The following CSMD1 variants were observed in gnomAD, a reference collection of about 807,000 sequenced individuals.
CSMD1 encodes CUB and Sushi multiple domains 1.
In CSMD1, 213 loss-of-function variants were observed where a neutral mutation model predicts 417.5. That is an observed-to-expected ratio of 0.51 (90% CI 0.46 to 0.57). CSMD1 has a LOEUF of 0.57. Ranked by LOEUF, CSMD1 falls within the 20% of genes least tolerant of loss-of-function variation. The pLI is 0.00. For missense variants in CSMD1, 6,923 were observed against 4,529.7 expected, an observed-to-expected ratio of 1.53 and a Z score of -15.17; for synonymous variants, 2,862 against 1,736.8, an observed-to-expected ratio of 1.65 and a Z score of -16.11.
intron 10 of CSMD1, among the ~76,000 whole-genome samples, chr8:3,546,102 T>G (rs891852652): frequency 6.6e-6 from 1 of 152,132 alleles, no homozygotes; most frequent in Non-Finnish European, 1.5e-5. Context: ...AGCAGTAAAA[T>G]CCAAGAAAAT....
chr8:4,874,482 C>A (rs1802923476), intron 1 of CSMD1, among the ~76,000 whole-genome samples: 1 of 151,014 alleles, frequency 6.6e-6, no homozygotes, highest in African/African-American at 2.4e-5. Context: ...CTCTGCCTCC[C>A]AGGTTCAAGC....
At chr8:4,338,040 G>C (rs564625383) in intron 3 of CSMD1, among the ~76,000 whole-genome samples, 3 of 152,064 alleles carry the variant, frequency 2.0e-5, no homozygotes, top group Admixed American at 1.3e-4. Flanking sequence ...TTTATTCCAA[G>C]AATCTGCTTC....
chr8:3,295,929 C>G (rs150295334), intron 25 of CSMD1, among the ~76,000 whole-genome samples: 3 of 152,062 alleles, frequency 2.0e-5, no homozygotes, highest in Admixed American at 6.6e-5. Context: ...CCTCGAGGAA[C>G]TTTGCATACA....
intron 3 of CSMD1, among the ~76,000 whole-genome samples, chr8:4,107,419 T>C (rs1206541922): frequency 6.6e-6 from 1 of 152,206 alleles, no homozygotes; most frequent in Non-Finnish European, 1.5e-5. Flanking sequence ...GAAAATGTCT[T>C]GATACACATC....
chr8:3,100,339 G>C (rs1477437564), intron 46 of CSMD1, among the ~76,000 whole-genome samples: 1 of 152,172 alleles, frequency 6.6e-6, no homozygotes, highest in Non-Finnish European at 1.5e-5. Flanking sequence ...GAAGCATTTG[G>C]AGGTGTTTAC....
At chr8:3,875,364 G>A (rs1232489342) in intron 5 of CSMD1, among the ~76,000 whole-genome samples, 1 of 152,224 alleles carries the variant, frequency 6.6e-6, no homozygotes, top group East Asian at 1.9e-4. Flanking sequence ...AGGACAGTGA[G>A]TGACGTTTTG....
intron 2 of CSMD1, among the ~76,000 whole-genome samples, chr8:4,441,096 T>TTTTTTTTTTTTTGTTTTG (rs1798446964): frequency 1.8e-5 from 1 of 55,614 alleles, no homozygotes; most frequent in African/African-American, 8.7e-5. Flanking sequence ...AATCAAAAGG[T>TTTTTTTTTTTTTGTTTTG]TTTTTTTTTT....
chr8:3,755,593 T>C (rs1797614018), intron 5 of CSMD1, among the ~76,000 whole-genome samples: 1 of 152,100 alleles, frequency 6.6e-6, no homozygotes, highest in South Asian at 2.1e-4. Flanking sequence ...ACAGACGATT[T>C]CCTACGAAAT....
At chr8:3,381,788 C>A (rs941610974) in intron 18 of CSMD1, among the ~76,000 whole-genome samples, 1 of 152,060 alleles carries the variant, frequency 6.6e-6, no homozygotes, top group Non-Finnish European at 1.5e-5. Context: ...CTCACTGCTC[C>A]CACGCTACAG....
chr8:3,751,483 T>A (rs977907960), intron 6 of CSMD1, among the ~76,000 whole-genome samples: 1 of 148,310 alleles, frequency 6.7e-6, no homozygotes, highest in African/African-American at 2.5e-5. Flanking sequence ...AAGCATATAT[T>A]ATAGAATATA....
chr8:4,707,554 T>G (rs1808019100), intron 1 of CSMD1, among the ~76,000 whole-genome samples: 1 of 152,014 alleles, frequency 6.6e-6, no homozygotes, highest in African/African-American at 2.4e-5. Context: ...GAACAGATGC[T>G]AACTAAATTC....
At chr8:4,545,815 T>TC (rs1427658093) in intron 2 of CSMD1, among the ~76,000 whole-genome samples, 1 of 152,232 alleles carries the variant, frequency 6.6e-6, no homozygotes, top group Non-Finnish European at 1.5e-5. Context: ...AACTAGCTCA[T>TC]CATCTAGGCC....
At chr8:4,992,461 C>A (rs897628282) in intron 1 of CSMD1, among the ~76,000 whole-genome samples, 1 of 152,196 alleles carries the variant, frequency 6.6e-6, no homozygotes, top group Non-Finnish European at 1.5e-5. Flanking sequence ...GCCCCGGGCC[C>A]AGTTAGGCTT....
chr8:3,708,537 CAT>C (rs1563295188), intron 6 of CSMD1, 46 bp from the exon 7 acceptor site: 1 of 1,524,210 alleles, frequency 6.6e-7, no homozygotes, highest in African/African-American at 1.4e-5. Flanking sequence ...ACTTGGAGAT[CAT>C]AAAACCATGT....
chr8:3,894,282 G>A (rs1162303648), intron 5 of CSMD1, among the ~76,000 whole-genome samples: 1 of 151,924 alleles, frequency 6.6e-6, no homozygotes, highest in Non-Finnish European at 1.5e-5. Flanking sequence ...TCTACTTCCT[G>A]TGCACCTGTC....
intron 3 of CSMD1, among the ~76,000 whole-genome samples, chr8:4,300,215 C>G (rs778363104): frequency 3.3e-4 from 50 of 152,164 alleles, no homozygotes; most frequent in African/African-American, 1.2e-3. Context: ...GTGTAATGTT[C>G]AGTTTTGATA....
intron 4 of CSMD1, among the ~76,000 whole-genome samples, chr8:4,029,214 G>T (rs1444976941): frequency 6.6e-6 from 1 of 152,202 alleles, no homozygotes; most frequent in Admixed American, 6.5e-5. Flanking sequence ...GATGAAAATA[G>T]GCAGAAATCC....
At chr8:3,162,320 C>A in intron 37 of CSMD1, 43 bp from the exon 38 acceptor site, 1 of 1,273,870 alleles carries the variant, frequency 7.9e-7, no homozygotes, top group Non-Finnish European at 1.1e-6. Flanking sequence ...ATGATGTAAA[C>A]AATATTCTTA....
chr8:4,358,604 T>C (rs1462606968), intron 3 of CSMD1, among the ~76,000 whole-genome samples: 2 of 152,192 alleles, frequency 1.3e-5, no homozygotes, highest in Non-Finnish European at 2.9e-5. Flanking sequence ...CTGAAAGTAA[T>C]AGTCTAACAG....
Sources: gnomAD v4.1 joint callset for allele counts (sites outside exome capture counted in the v4.1 genomes callset) on GRCh38, gnomAD v4.1.1 for gene constraint, MANE v1.5 for transcripts, NCBI Gene and HGNC (gene_info 2026-07-23, HGNC 2026-07-21) for gene names.